Variants in ADORA2B observed in about 807,000 individuals in gnomAD.
ADORA2B encodes the protein adenosine A2b receptor, also known as adenosine receptor A2b.
In ADORA2B, 18 loss-of-function variants were observed where a neutral mutation model predicts 20.8. The observed-to-expected ratio is 0.87, with a 90% confidence interval of 0.60 to 1.29. ADORA2B has a LOEUF of 1.29. ADORA2B is among the 50% of genes most tolerant of loss of function. The probability of loss-of-function intolerance (pLI) is 0.00; values close to 1 mark genes in which losing one functional copy is unlikely to be tolerated. For missense variants in ADORA2B, 441 were observed against 422.7 expected (o/e 1.04, Z -0.38); for synonymous variants, 179 against 178.3 (o/e 1.00, Z -0.03).
At chr17:15,876,457 T>C in the ADORA2B span, among the ~76,000 whole-genome samples, 306 of 150,152 alleles carry the variant, frequency 2.0e-3, no homozygotes, top group African/African-American at 7.1e-3. Flanking sequence ...TTCTTTTTTT[T>C]TTTTTTTGTC....
At position 15,945,342 on chromosome 17, in the gene ADORA2B, G is replaced by T; in HGVS notation, c.94G>T (p.Val32Leu). The T allele has an allele frequency of 6.2e-7, 1 of 1,606,244 alleles. No homozygotes were observed. ...VAGNVLVCAA[V>L]GTANTLQTPT... ...GGGCAACGTGCTGGTGTGCGCCGCG[G>T]TGGGCACGGCGAACACTCTGCAGAC... The change falls in exon 1 of 2, where the codon GTG (valine) becomes TTG (leucine). Residue 32 changes from valine (V) to leucine (L), a missense_variant. Coordinates refer to ENST00000304222, the MANE Select transcript of ADORA2B (RefSeq NM_000676.4).
At position 15,956,586 on chromosome 17, in the gene ADORA2B, G is replaced by T. The variant is rs1195165114; in HGVS notation, c.335+11003G>T. On this transcript the variant is annotated intron_variant, in intron 1 of 1. Coordinates refer to ENST00000304222, the MANE Select transcript of ADORA2B (RefSeq NM_000676.4). ...ACTTCTTTTTTTAGGATGATTATGTGTGTCTTTTTTTTTTTTTTTTTTTTT... is the reference window on the plus strand; with the variant it reads ...ACTTCTTTTTTTAGGATGATTATGTTTGTCTTTTTTTTTTTTTTTTTTTTT... 8.0e-5 allele frequency among the ~76,000 whole-genome samples: 10 copies of T among 125,588 alleles called. No individual in the cohort carries two copies. The East Asian group carries it at 1.9e-3, about 24-fold the overall frequency. The allele number at this position is 125,588 out of a possible 152,430, so 82.4% of individuals were successfully genotyped here.
chr17:15,932,328 A>G, the ADORA2B span, among the ~76,000 whole-genome samples: 1 of 151,938 alleles, frequency 6.6e-6, no homozygotes, highest in Admixed American at 6.6e-5. Context: ...CCCCGTCTCT[A>G]CTAAAAATAC....
the ADORA2B span, among the ~76,000 whole-genome samples, chr17:15,910,961 C>T: frequency 1.3e-5 from 2 of 152,208 alleles, no homozygotes; most frequent in East Asian, 1.9e-4. Flanking sequence ...GTTTTGAAAA[C>T]TGGTTACCCC....
chr17:15,905,204 T>C, the ADORA2B span, among the ~76,000 whole-genome samples: 2 of 152,184 alleles, frequency 1.3e-5, no homozygotes, highest in Non-Finnish European at 2.9e-5. Context: ...TTGATTTCTT[T>C]TATCTGTGTC....
chr17:15,966,592 C>T (rs916644894), intron 1 of ADORA2B, among the ~76,000 whole-genome samples: 6 of 152,220 alleles, frequency 3.9e-5, no homozygotes, highest in Non-Finnish European at 7.3e-5. Context: ...TCAGTGTTCA[C>T]GCTGTTTCCT....
the ADORA2B span, among the ~76,000 whole-genome samples, chr17:15,928,185 A>G: frequency 2.6e-5 from 4 of 151,972 alleles, no homozygotes; most frequent in African/African-American, 4.8e-5. Context: ...AGGGGCGGCT[A>G]TTGGGTTTGG....
the ADORA2B span, among the ~76,000 whole-genome samples, chr17:15,891,299 T>C: frequency 1.4e-5 from 1 of 69,962 alleles, no homozygotes; most frequent in African/African-American, 8.4e-5. Flanking sequence ...ATAAATAAAA[T>C]TGGATATGTG....
the ADORA2B span, among the ~76,000 whole-genome samples, chr17:15,867,111 C>T: frequency 7.9e-5 from 12 of 152,208 alleles, no homozygotes; most frequent in African/African-American, 2.9e-4. Flanking sequence ...GGCTGGAGTG[C>T]AGTGGCGTGA....
At chr17:15,928,654 G>A in the ADORA2B span, among the ~76,000 whole-genome samples, 1 of 152,212 alleles carries the variant, frequency 6.6e-6, no homozygotes, top group Non-Finnish European at 1.5e-5. Context: ...CAGTTACTGA[G>A]AGTGACAAGT....
chr17:15,888,484 A>G, the ADORA2B span, among the ~76,000 whole-genome samples: 2 of 127,816 alleles, frequency 1.6e-5, 1 homozygote, highest in Middle Eastern at 7.5e-3. Context: ...GTCCCAAGTC[A>G]CTTACTCCTC....
chr17:15,962,936 A>G (rs149850733), intron 1 of ADORA2B, among the ~76,000 whole-genome samples: 6 of 152,332 alleles, frequency 3.9e-5, no homozygotes, highest in Admixed American at 2.0e-4. Context: ...ATAGAAAGGT[A>G]TTCCAGGCTC....
At chr17:15,874,042 GTATATATATATATATA>G in the ADORA2B span, among the ~76,000 whole-genome samples, 3 of 134,816 alleles carry the variant, frequency 2.2e-5, no homozygotes, top group Admixed American at 7.4e-5. Flanking sequence ...ATATATATGT[GTATATATATATATATA>G]TGTGTGTGTG....
At position 15,974,811 on chromosome 17, in the gene ADORA2B, AC is replaced by A; in HGVS notation, c.471del (p.Trp158GlyfsTer12). 6.2e-7 allele frequency: 1 copy of A among 1,614,132 alleles called. No individual in the cohort carries two copies. The highest frequency in any genetic ancestry group is 2.2e-5 in the East Asian group (1 of 44,870). On this transcript the variant is annotated frameshift_variant, in exon 2 of 2. Coordinates refer to ENST00000304222, the MANE Select transcript of ADORA2B (RefSeq NM_000676.4). LOFTEE classifies it high-confidence loss of function. ...ACAGTGCCACCAACAACTGCACAGA[AC>A]CCTGGGATGGAACCACGAATGAAAG... Reference protein sequence around the residue: ...KDSATNNCTEPWDGTTNESCC... With the variant: ...KDSATNNCTEXWDGTTNESCC...
chr17:15,872,333 C>A, the ADORA2B span, among the ~76,000 whole-genome samples: 1 of 152,126 alleles, frequency 6.6e-6, no homozygotes. Flanking sequence ...AATTTGAAGT[C>A]CAGTAATATG....
chr17:15,862,651 A>C, the ADORA2B span, among the ~76,000 whole-genome samples: 1 of 152,062 alleles, frequency 6.6e-6, no homozygotes, highest in Non-Finnish European at 1.5e-5. Flanking sequence ...GTAAATGTTC[A>C]GCTTACCTTT....
chr17:15,861,170 G>GGACA, the ADORA2B span, among the ~76,000 whole-genome samples: 1 of 152,160 alleles, frequency 6.6e-6, no homozygotes, highest in Non-Finnish European at 1.5e-5. Context: ...GGAGGATGCT[G>GGACA]GACAGTAAGT....
chr17:15,874,922 C>T, the ADORA2B span, among the ~76,000 whole-genome samples: 1 of 152,256 alleles, frequency 6.6e-6, no homozygotes, highest in East Asian at 1.9e-4. Context: ...TATACACATT[C>T]CCAATACTGG....
the ADORA2B span, among the ~76,000 whole-genome samples, chr17:15,900,701 C>T: frequency 6.6e-6 from 1 of 152,178 alleles, no homozygotes; most frequent in Non-Finnish European, 1.5e-5. Flanking sequence ...CCTCCCACCT[C>T]AGCCCCTTAA....
Sources: gnomAD v4.1 joint callset for allele counts (sites outside exome capture counted in the v4.1 genomes callset) on GRCh38, gnomAD v4.1.1 for gene constraint, MANE v1.5 for transcripts, NCBI Gene and HGNC (gene_info 2026-07-23, HGNC 2026-07-21) for gene names.